TBC1D22A: variants seen among roughly 807,000 people sequenced by gnomAD.
TBC1D22A encodes the protein TBC1 domain family member 22A.
In TBC1D22A, 38 loss-of-function variants were observed where a neutral mutation model predicts 60.2. That is an observed-to-expected ratio of 0.63 (90% CI 0.49 to 0.83). TBC1D22A has a LOEUF of 0.83. Ranked by LOEUF, TBC1D22A falls within the 40% of genes least tolerant of loss-of-function variation. TBC1D22A has a pLI of 0.00. For synonymous variants in TBC1D22A, 302 were observed against 281.7 expected, an observed-to-expected ratio of 1.07 and a Z score of -0.72; for missense variants, 628 against 701.0, an observed-to-expected ratio of 0.90 and a Z score of 1.18.
At chr22:46,874,184 T>C (rs986405376) in intron 4 of TBC1D22A, among the ~76,000 whole-genome samples, 5 of 152,200 alleles carry the variant, frequency 3.3e-5, no homozygotes, top group African/African-American at 1.2e-4. Context: ...GAGTCTCTCA[T>C]TGATGGGCAT....
At chr22:46,806,362 C>G (rs557470666) in intron 4 of TBC1D22A, among the ~76,000 whole-genome samples, 2 of 142,688 alleles carry the variant, frequency 1.4e-5, no homozygotes, top group Non-Finnish European at 3.0e-5. Context: ...TTTTTTTGCC[C>G]GGAAATGGAG....
intron 12 of TBC1D22A, among the ~76,000 whole-genome samples, chr22:47,165,492 G>T (rs2068169580): frequency 1.3e-5 from 2 of 152,158 alleles, no homozygotes; most frequent in South Asian, 4.1e-4. Context: ...ACAGTGCTTG[G>T]AGAGCCAGGT....
chr22:47,137,177 T>A (rs1298494511), intron 12 of TBC1D22A, among the ~76,000 whole-genome samples: 1 of 152,202 alleles, frequency 6.6e-6, no homozygotes, highest in Non-Finnish European at 1.5e-5. Flanking sequence ...GTTTGAGGAT[T>A]TTCAGGGCAA....
chr22:46,997,788 C>A, intron 10 of TBC1D22A, 79 bp downstream of exon 10: 1 of 1,346,346 alleles, frequency 7.4e-7, no homozygotes, highest in Non-Finnish European at 1.1e-6. Flanking sequence ...AGGGAGCTGT[C>A]CTCATCCGCC....
chr22:46,899,810 T>C (rs745589313), intron 7 of TBC1D22A, among the ~76,000 whole-genome samples: 12 of 152,260 alleles, frequency 7.9e-5, no homozygotes, highest in Non-Finnish European at 1.3e-4. Context: ...CTACTGGCTG[T>C]AACTTAGCCT....
At chr22:46,817,083 C>G (rs1358645847) in intron 4 of TBC1D22A, among the ~76,000 whole-genome samples, 1 of 152,134 alleles carries the variant, frequency 6.6e-6, no homozygotes, top group Non-Finnish European at 1.5e-5. Context: ...GTAGGCACAT[C>G]TTTTTGTAAG....
chr22:46,811,243 A>T (rs934726194), intron 4 of TBC1D22A, among the ~76,000 whole-genome samples: 6 of 152,196 alleles, frequency 3.9e-5, no homozygotes, highest in African/African-American at 1.2e-4. Flanking sequence ...TGGAGTGGTA[A>T]GGAGCTGTCA....
intron 12 of TBC1D22A, among the ~76,000 whole-genome samples, chr22:47,113,900 A>T (rs2065936577): frequency 6.6e-6 from 1 of 152,000 alleles, no homozygotes; most frequent in Non-Finnish European, 1.5e-5. Flanking sequence ...GGGTCATGAG[A>T]GGGTGGTGTT....
chr22:46,991,352 C>T (rs929411831), intron 9 of TBC1D22A, among the ~76,000 whole-genome samples: 1 of 152,176 alleles, frequency 6.6e-6, no homozygotes, highest in Non-Finnish European at 1.5e-5. Context: ...CAAGGGGATC[C>T]GTTTAACCAG....
intron 11 of TBC1D22A, among the ~76,000 whole-genome samples, chr22:47,089,298 T>C (rs754726810): frequency 3.9e-5 from 6 of 152,232 alleles, no homozygotes; most frequent in Non-Finnish European, 7.3e-5. Flanking sequence ...CTGTGAAATG[T>C]GATGTCTGGG....
intron 4 of TBC1D22A, among the ~76,000 whole-genome samples, chr22:46,842,172 T>A (rs1455316775): frequency 6.6e-6 from 1 of 152,232 alleles, no homozygotes; most frequent in Admixed American, 6.5e-5. Context: ...CAATTTTGCA[T>A]TCTTTGGTAA....
chr22:46,988,935 G>C (rs1052871860), intron 9 of TBC1D22A, among the ~76,000 whole-genome samples: 1 of 152,194 alleles, frequency 6.6e-6, no homozygotes, highest in Non-Finnish European at 1.5e-5. Context: ...CATCTACATG[G>C]AAAATCTGTT....
intron 11 of TBC1D22A, among the ~76,000 whole-genome samples, chr22:47,066,696 C>G (rs1227457071): frequency 1.3e-5 from 2 of 152,198 alleles, no homozygotes; most frequent in Non-Finnish European, 2.9e-5. Flanking sequence ...CAGCACTTGC[C>G]CAGGCAGCCA....
intron 12 of TBC1D22A, among the ~76,000 whole-genome samples, chr22:47,123,694 GAA>G (rs2066354549): frequency 1.3e-5 from 2 of 152,248 alleles, no homozygotes; most frequent in Admixed American, 1.3e-4. Flanking sequence ...CAAATGTCAT[GAA>G]ATGCCAAAGT....
intron 11 of TBC1D22A, among the ~76,000 whole-genome samples, chr22:47,040,934 C>T (rs1437368914): frequency 2.6e-5 from 4 of 152,112 alleles, no homozygotes; most frequent in African/African-American, 7.2e-5. Flanking sequence ...TTGAGATCCT[C>T]GGCTGCCTTC....
intron 4 of TBC1D22A, among the ~76,000 whole-genome samples, chr22:46,818,616 C>A (rs2085698842): frequency 6.6e-6 from 1 of 152,144 alleles, no homozygotes; most frequent in African/African-American, 2.4e-5. Flanking sequence ...GTCTATATGT[C>A]TGTTTTGGTA....
chr22:46,998,242 C>T (rs9627641), intron 10 of TBC1D22A, among the ~76,000 whole-genome samples: 43,987 of 151,834 alleles, frequency 0.29, 6,493 homozygotes, highest in Admixed American at 0.32. Context: ...ATCCCCCCTG[C>T]GATGTGCTGA....
intron 12 of TBC1D22A, among the ~76,000 whole-genome samples, chr22:47,133,219 A>C (rs1354865984): frequency 6.6e-6 from 1 of 152,260 alleles, no homozygotes; most frequent in East Asian, 1.9e-4. Flanking sequence ...GACATCTTAG[A>C]AACCATAGCC....
intron 11 of TBC1D22A, among the ~76,000 whole-genome samples, chr22:47,055,865 G>GAGGGTTGATGAGATACGCCACT (rs1569397654): frequency 2.0e-5 from 3 of 151,070 alleles, no homozygotes; most frequent in Non-Finnish European, 2.9e-5. Context: ...GATACGCCAC[G>GAGGGTTGATGAGATACGCCACT]GAGGGTTGAT....
Sources: gnomAD v4.1 joint callset for allele counts (sites outside exome capture counted in the v4.1 genomes callset) on GRCh38, gnomAD v4.1.1 for gene constraint, MANE v1.5 for transcripts, NCBI Gene and HGNC (gene_info 2026-07-23, HGNC 2026-07-21) for gene names.